ASH1L: variants seen among roughly 807,000 people sequenced by gnomAD.
ASH1L encodes histone-lysine N-methyltransferase ASH1L.
ASH1L carries 23 observed loss-of-function variants against 269.0 expected under a neutral mutation model. The ratio of observed to expected loss-of-function variants is 0.09; its 90% CI spans 0.06 to 0.12. The LOEUF (loss-of-function observed/expected upper bound fraction) is 0.12. Among genes scored for constraint, ASH1L ranks in the 10% least tolerant of loss-of-function variants. ASH1L has a pLI of 1.00. For missense variants in ASH1L, 2,912 were observed against 3,567.8 expected (o/e 0.82, Z 4.68); for synonymous variants, 1,187 against 1,253.5 (o/e 0.95, Z 1.12).
At position 155,463,557 on chromosome 1, in the gene ASH1L, C is replaced by A. The variant is rs1664457405; in HGVS notation, c.4985-3659G>T. ...CCTGTAATCCCAGCACTTTGCTAGGCCGAGGTAGCCAGGTTGCTTGAGTTC... is the reference window on the plus strand; with the variant it reads ...CCTGTAATCCCAGCACTTTGCTAGGACGAGGTAGCCAGGTTGCTTGAGTTC... On this transcript the variant is annotated intron_variant, in intron 3 of 27. Transcript: ENST00000392403. 2.0e-5 allele frequency among the ~76,000 whole-genome samples: 3 copies of A among 152,120 alleles called. No individual in the cohort carries two copies. In the South Asian group the frequency reaches 6.2e-4, roughly 32 times the overall value.
At chr1:155,485,656 G>A (rs369590999) in intron 2 of ASH1L, among the ~76,000 whole-genome samples, 2 of 152,136 alleles carry the variant, frequency 1.3e-5, no homozygotes, top group African/African-American at 4.8e-5. Flanking sequence ...TAAAATCAAA[G>A]AAGTAAAAGG....
At chr1:155,339,030 C>T (rs939712432) in intron 26 of ASH1L, among the ~76,000 whole-genome samples, 2 of 152,090 alleles carry the variant, frequency 1.3e-5, no homozygotes, top group African/African-American at 4.8e-5. Flanking sequence ...GCTGATATAC[C>T]TTGAGGTAAT....
At chr1:155,497,686 C>G (rs117302591) in intron 2 of ASH1L, among the ~76,000 whole-genome samples, 2 of 151,968 alleles carry the variant, frequency 1.3e-5, no homozygotes, top group East Asian at 3.9e-4. Flanking sequence ...CCCATAACTT[C>G]AGCATTGTTA....
At chr1:155,355,570 T>C (rs1558025776) in intron 15 of ASH1L, among the ~76,000 whole-genome samples, 1 of 152,214 alleles carries the variant, frequency 6.6e-6, no homozygotes, top group African/African-American at 2.4e-5. Flanking sequence ...TAAAAACTAC[T>C]GATACCTGGG....
At chr1:155,468,904 C>T (rs898991354) in intron 3 of ASH1L, among the ~76,000 whole-genome samples, 8 of 152,022 alleles carry the variant, frequency 5.3e-5, no homozygotes, top group African/African-American at 1.9e-4. Flanking sequence ...CAACAGAATG[C>T]TATAGAATAA....
chr1:155,445,150 A>C (rs1403864097), intron 4 of ASH1L, among the ~76,000 whole-genome samples: 2 of 152,180 alleles, frequency 1.3e-5, no homozygotes, highest in East Asian at 1.9e-4. Flanking sequence ...TGTTGAAAAG[A>C]CTATCCTTGT....
Position 155,360,295 on chromosome 1 carries a change from T to A in ASH1L, c.6795+6A>T, listed in dbSNP as rs757703517. 2.5e-6 allele frequency: 4 copies of A among 1,569,574 alleles called. No individual in the cohort carries two copies. Among genetic ancestry groups the A allele is most frequent in the East Asian group, 2.2e-5 (1 of 44,680 alleles). Reference sequence around the variant, plus strand: ...TCAATCTCCCTCTAGGATTTATTATTCTTACCTGTTTTTCCACATTGAAGG... The same window carrying A: ...TCAATCTCCCTCTAGGATTTATTATACTTACCTGTTTTTCCACATTGAAGG... On this transcript the variant is annotated splice_donor_region_variant and intron_variant, in intron 13 of 27. Transcript: ENST00000392403.
intron 15 of ASH1L, 39 bp from the exon 16 acceptor site, chr1:155,354,669 T>A: frequency 6.3e-7 from 1 of 1,586,944 alleles, no homozygotes; most frequent in Non-Finnish European, 8.6e-7. Flanking sequence ...TATTCATTAA[T>A]TAAATAAGCA....
At chr1:155,538,499 A>T (rs527699100) in intron 1 of ASH1L, among the ~76,000 whole-genome samples, 188 of 152,124 alleles carry the variant, frequency 1.2e-3, no homozygotes, top group Non-Finnish European at 1.3e-3. Context: ...CCGGGACTAC[A>T]GGAACGCACC....
chr1:155,462,151 TTAAG>T (rs1211331757), intron 3 of ASH1L, among the ~76,000 whole-genome samples: 1 of 152,160 alleles, frequency 6.6e-6, no homozygotes, highest in African/African-American at 2.4e-5. Context: ...CTAACATTTA[TTAAG>T]TGAGTATAGT....
intron 2 of ASH1L, among the ~76,000 whole-genome samples, chr1:155,513,572 A>C (rs1191134681): frequency 7.9e-6 from 1 of 127,328 alleles, no homozygotes; most frequent in African/African-American, 3.6e-5. Context: ...ATCCTGTATC[A>C]AAAAAAAAAA....
intron 10 of ASH1L, 130 bp downstream of exon 10, chr1:155,378,151 T>C (rs1023479853): frequency 1.6e-6 from 1 of 617,874 alleles, no homozygotes; most frequent in African/African-American, 1.8e-5. Flanking sequence ...CGCCCACCCA[T>C]TATGGTTTAT....
At chr1:155,499,972 A>G (rs1057222834) in intron 2 of ASH1L, among the ~76,000 whole-genome samples, 5 of 152,240 alleles carry the variant, frequency 3.3e-5, no homozygotes, top group Admixed American at 1.3e-4. Context: ...GAACTCTTCA[A>G]TCAGCCAAAT....
chr1:155,451,685 A>G (rs1448309760), intron 4 of ASH1L, among the ~76,000 whole-genome samples: 1 of 151,786 alleles, frequency 6.6e-6, no homozygotes, highest in Non-Finnish European at 1.5e-5. Flanking sequence ...TTGTACTTGG[A>G]ATCCAGCCTG....
chr1:155,361,133 C>CCCA (rs1252216586), intron 12 of ASH1L, among the ~76,000 whole-genome samples: 3 of 152,036 alleles, frequency 2.0e-5, no homozygotes, highest in Admixed American at 1.3e-4. Context: ...CCTGTAATCC[C>CCCA]AGCATTTTGG....
At chr1:155,541,419 ACCCATG>A (rs1229018929) in intron 1 of ASH1L, among the ~76,000 whole-genome samples, 1 of 152,078 alleles carries the variant, frequency 6.6e-6, no homozygotes, top group African/African-American at 2.4e-5. Flanking sequence ...TAAAAGAGTA[ACCCATG>A]CCCTAATTAG....
intron 4 of ASH1L, among the ~76,000 whole-genome samples, chr1:155,459,218 CAG>C: frequency 6.6e-6 from 1 of 150,660 alleles, no homozygotes; most frequent in South Asian, 2.1e-4. Flanking sequence ...TTTTTTCAGA[CAG>C]AGTCTCACTC....
chr1:155,426,850 G>A (rs944216905), intron 5 of ASH1L, among the ~76,000 whole-genome samples: 9 of 152,076 alleles, frequency 5.9e-5, no homozygotes, highest in Admixed American at 5.2e-4. Flanking sequence ...TTGTTCAAGG[G>A]TCAACTGTAT....
intron 2 of ASH1L, among the ~76,000 whole-genome samples, chr1:155,488,668 C>CAAAAAAAAAAAAAA (rs371829476): frequency 3.4e-5 from 1 of 29,188 alleles, no homozygotes; most frequent in African/African-American, 1.2e-4. Flanking sequence ...GACTCTGTCA[C>CAAAAAAAAAAAAAA]AAAAAAAAAA....
Sources: gnomAD v4.1 joint callset for allele counts (sites outside exome capture counted in the v4.1 genomes callset) on GRCh38, gnomAD v4.1.1 for gene constraint, MANE v1.5 for transcripts, NCBI Gene and HGNC (gene_info 2026-07-23, HGNC 2026-07-21) for gene names.